CATSPERB: variants seen among roughly 807,000 people sequenced by gnomAD.
CATSPERB encodes the protein catsper channel auxiliary subunit beta.
In CATSPERB, 93 loss-of-function variants were observed where a neutral mutation model predicts 128.3. The ratio of observed to expected loss-of-function variants is 0.72; its 90% CI spans 0.61 to 0.86. The LOEUF is 0.86. Ranked by LOEUF, CATSPERB falls within the 40% of genes least tolerant of loss-of-function variation. CATSPERB has a pLI of 0.00. For synonymous variants in CATSPERB, 381 were observed against 448.8 expected (o/e 0.85, Z 1.91); for missense variants, 1,153 against 1,329.5 (o/e 0.87, Z 2.06).
At chr14:91,668,884 G>A (rs1895037016) in intron 14 of CATSPERB, among the ~76,000 whole-genome samples, 1 of 152,210 alleles carries the variant, frequency 6.6e-6, no homozygotes, top group Non-Finnish European at 1.5e-5. Context: ...CCATCTTTAA[G>A]AGCTGTAACA....
At chr14:91,617,810 C>T (rs1893972198) in intron 19 of CATSPERB, 74 bp from the exon 20 acceptor site, 2 of 1,073,592 alleles carry the variant, frequency 1.9e-6, no homozygotes, top group East Asian at 5.1e-5. Flanking sequence ...ATTGGCTAAT[C>T]AGATTTTAGA....
In CATSPERB at chr14:91,683,936, T is replaced by G. The variant is rs1895329877; in HGVS notation, c.872A>C (p.Tyr291Ser). 1 of 1,589,846 alleles carries G rather than the reference T, an allele frequency of 6.3e-7. No individual in the cohort carries two copies. The highest frequency in any genetic ancestry group is 1.3e-5 in the African/African-American group (1 of 74,096). Residue 291 changes from tyrosine (Y) to serine (S), a missense_variant, in exon 11 of 27, where the codon TAT becomes TCT. Transcript: ENST00000256343. Reference protein sequence around the residue: ...ADFCGFERVDYVKGKLWYNER... With the variant: ...ADFCGFERVDSVKGKLWYNER... ...ATTATACCACAGTTTTCCTTTCACA[T>G]AGTCAACCTACATAAATAAATAAAA...
intron 7 of CATSPERB, among the ~76,000 whole-genome samples, chr14:91,699,546 A>T (rs183118349): frequency 1.3e-3 from 194 of 152,168 alleles, no homozygotes; most frequent in African/African-American, 4.5e-3. Flanking sequence ...CATCCCAGGA[A>T]TGAAGCCTAC....
intron 17 of CATSPERB, among the ~76,000 whole-genome samples, chr14:91,630,676 C>T (rs930472464): frequency 6.6e-6 from 1 of 152,196 alleles, no homozygotes; most frequent in Non-Finnish European, 1.5e-5. Context: ...TAATCTGTCA[C>T]CTGTATTACT....
At chr14:91,625,063 C>A in intron 17 of CATSPERB, 56 bp from the exon 18 acceptor site, 1 of 1,017,786 alleles carries the variant, frequency 9.8e-7, no homozygotes, top group Non-Finnish European at 1.4e-6. Context: ...TTAAATGAAC[C>A]AATTTATGAA....
intron 20 of CATSPERB, among the ~76,000 whole-genome samples, chr14:91,614,007 G>T (rs1377776937): frequency 6.6e-6 from 1 of 152,142 alleles, no homozygotes; most frequent in Non-Finnish European, 1.5e-5. Context: ...GCTAGTTGGA[G>T]CTGCATCATT....
intron 6 of CATSPERB, among the ~76,000 whole-genome samples, chr14:91,704,907 G>A (rs1373894444): frequency 6.6e-6 from 1 of 152,218 alleles, no homozygotes; most frequent in Non-Finnish European, 1.5e-5. Flanking sequence ...CCTTGGTGGG[G>A]GGCTGGCAAG....
intron 23 of CATSPERB, among the ~76,000 whole-genome samples, chr14:91,591,261 G>A (rs1244470024): frequency 6.6e-6 from 1 of 151,682 alleles, no homozygotes; most frequent in Non-Finnish European, 1.5e-5. Flanking sequence ...CACCATATTG[G>A]TCAGACTGGT....
chr14:91,587,971 T>C lies in CATSPERB; in HGVS notation c.3057+7A>G, dbSNP rs1257465523. ...CAACACAGTAAAAACAACAATGCCA[T>C]CATTACCTTTATGCTTAAGTTGAGA... On this transcript the variant is annotated splice_region_variant and intron_variant, in intron 25 of 26. Coordinates refer to ENST00000256343, the MANE Select transcript of CATSPERB (RefSeq NM_024764.4). 1 of 1,561,750 alleles carries C rather than the reference T, an allele frequency of 6.4e-7. No individual in the cohort carries two copies. The highest frequency in any genetic ancestry group is 8.8e-7 in the Non-Finnish European group (1 of 1,134,150).
rs1003750469 is a variant in CATSPERB, at chr14:91,603,506, C to T, written c.2709+4788G>A. ...TTAAAGTGTGGGCAAAACTCTGCAG[C>T]TGAAATGCCGGCCAGCAAGGAAGGG... On this transcript the variant is annotated intron_variant, in intron 22 of 26. Coordinates refer to ENST00000256343, the MANE Select transcript of CATSPERB (RefSeq NM_024764.4). 4.0e-6 allele frequency: 4 copies of T among 1,008,034 alleles called. No individual in the cohort carries two copies. In the African/African-American group the frequency reaches 4.8e-5, roughly 12 times the overall value. The allele number at this position is 1,008,034 out of a possible 1,614,324, so 62.4% of individuals were successfully genotyped here. A position where few individuals can be genotyped will look rare whatever the true frequency, so the allele number is the denominator to read the frequency against.
intron 15 of CATSPERB, among the ~76,000 whole-genome samples, chr14:91,650,777 C>A (rs1318124448): frequency 6.6e-6 from 1 of 152,038 alleles, no homozygotes; most frequent in Non-Finnish European, 1.5e-5. Context: ...AAACATACAG[C>A]CACAATTTTT....
chr14:91,610,430 G>A, intron 21 of CATSPERB, 50 bp downstream of exon 21: 2 of 1,492,976 alleles, frequency 1.3e-6, no homozygotes, highest in Non-Finnish European at 1.8e-6. Flanking sequence ...TCACACAAAA[G>A]TCACATAGCA....
intron 22 of CATSPERB, chr14:91,605,355 G>A (rs1893681024): frequency 1.5e-6 from 1 of 655,056 alleles, no homozygotes; most frequent in South Asian, 1.9e-5. Flanking sequence ...AAATTTAAGA[G>A]CTGGACTGGA....
At chr14:91,592,239 C>T (rs545462873) in intron 22 of CATSPERB, 10 of 489,390 alleles carry the variant, frequency 2.0e-5, no homozygotes, top group Admixed American at 3.6e-5. Context: ...CCGTTCACCT[C>T]GTGCAGTTGC....
At chr14:91,714,214 T>A (rs1394972647) in intron 5 of CATSPERB, among the ~76,000 whole-genome samples, 1 of 149,416 alleles carries the variant, frequency 6.7e-6, no homozygotes, top group Non-Finnish European at 1.5e-5. Flanking sequence ...AAGGCAAGGA[T>A]GTCCTCTCTT....
At chr14:91,623,812 C>A (rs920441187) in intron 18 of CATSPERB, among the ~76,000 whole-genome samples, 3 of 152,132 alleles carry the variant, frequency 2.0e-5, no homozygotes, top group Non-Finnish European at 2.9e-5. Context: ...AAAACCTAAA[C>A]CCTTAGAATA....
In CATSPERB at chr14:91,610,519, A is replaced by G. The variant is rs1893805358; in HGVS notation, c.2559T>C (p.His853=). 6.2e-7 allele frequency: 1 copy of G among 1,613,878 alleles called. No individual in the cohort carries two copies. Among genetic ancestry groups the G allele is most frequent in the African/African-American group, 1.3e-5 (1 of 74,986 alleles). The change falls in exon 21 of 27, where the codon CAT becomes CAC. Residue 853 remains histidine (H), a synonymous_variant. Coordinates refer to ENST00000256343, the MANE Select transcript of CATSPERB (RefSeq NM_024764.4). ...TGAGGTTAAAACCCTGACTGTCTTT[A>G]TGAACTCCACTAATCCAGTCTTCAA... ...IPFEDWISGV[H]KDSQGFNLIK...
chr14:91,644,160 A>C (rs1894548312), intron 15 of CATSPERB, among the ~76,000 whole-genome samples: 1 of 133,320 alleles, frequency 7.5e-6, no homozygotes, highest in East Asian at 2.3e-4. Flanking sequence ...TTGACTCTTT[A>C]TCCAATTTGC....
At chr14:91,721,962 C>A (rs12147910) in intron 4 of CATSPERB, among the ~76,000 whole-genome samples, 96,101 of 151,866 alleles carry the variant, frequency 0.63, 30,801 homozygotes, top group Non-Finnish European at 0.67. Flanking sequence ...ACTCAGGAGG[C>A]TGAGGCAGAA....
Sources: allele counts gnomAD v4.1 joint callset (sites outside exome capture counted in the v4.1 genomes callset), GRCh38; gene constraint gnomAD v4.1.1; transcripts MANE v1.5; gene names NCBI Gene and HGNC (gene_info 2026-07-23, HGNC 2026-07-21).